The following TEX9 variants were observed in gnomAD, a reference collection of about 807,000 sequenced individuals.
The protein encoded by TEX9 is testis expressed 9, also known as testis-expressed protein 9.
In TEX9, 74 loss-of-function variants were observed where a neutral mutation model predicts 59.6. The ratio of observed to expected loss-of-function variants is 1.24; its 90% CI spans 1.03 to 1.51. TEX9 has a LOEUF of 1.51. Ranked by LOEUF, TEX9 falls within the 40% of genes most tolerant of loss-of-function variation. TEX9 has a pLI of 0.00. For synonymous variants in TEX9, 186 were observed against 152.2 expected (o/e 1.22, Z -1.64); for missense variants, 522 against 447.8 (o/e 1.17, Z -1.49).
intron 1 of TEX9, among the ~76,000 whole-genome samples, chr15:56,349,444 G>A (rs1337711879): frequency 6.6e-6 from 1 of 152,140 alleles, no homozygotes; most frequent in Non-Finnish European, 1.5e-5. Flanking sequence ...TTCCCTCTCT[G>A]ATGCTCTCTT....
At chr15:56,313,322 C>T (rs1197464711) in intron 1 of TEX9, among the ~76,000 whole-genome samples, 1 of 58,918 alleles carries the variant, frequency 1.7e-5, no homozygotes. Context: ...AGATACGTCC[C>T]ATCAATACCT....
At chr15:56,246,106 T>C (rs1477749378) in intron 1 of TEX9, among the ~76,000 whole-genome samples, 1 of 152,106 alleles carries the variant, frequency 6.6e-6, no homozygotes, top group African/African-American at 2.4e-5. Flanking sequence ...CGCTACCGGG[T>C]GTCACACAGG....
chr15:56,365,365 G>C, upstream of TEX9: 2 of 1,520,574 alleles, frequency 1.3e-6, no homozygotes, highest in Non-Finnish European at 1.8e-6. Flanking sequence ...GAAGGCGTAG[G>C]CGCCCGGGCG....
At chr15:56,447,154 T>C (rs981031403), downstream of TEX9, 3 of 428,384 alleles carry the variant, frequency 7.0e-6, no homozygotes, top group African/African-American at 5.9e-5. Context: ...ACTGCTCTGT[T>C]CTATTACATT....
intron 1 of TEX9, among the ~76,000 whole-genome samples, chr15:56,246,099 T>C (rs2043848833): frequency 1.3e-5 from 2 of 152,210 alleles, no homozygotes; most frequent in African/African-American, 4.8e-5. Flanking sequence ...AAAAGTTCGC[T>C]ACCGGGTGTC....
At chr15:56,419,148 G>T (rs1228583638) in intron 10 of TEX9, among the ~76,000 whole-genome samples, 1 of 151,454 alleles carries the variant, frequency 6.6e-6, no homozygotes, top group Non-Finnish European at 1.5e-5. Flanking sequence ...TAGTGTTTCC[G>T]TTTTTTGATG....
downstream of TEX9, among the ~76,000 whole-genome samples, chr15:56,449,636 A>G (rs2050934569): frequency 6.6e-6 from 1 of 152,216 alleles, no homozygotes; most frequent in Non-Finnish European, 1.5e-5. Flanking sequence ...ACAGAACTAC[A>G]TAAGATTGGT....
intron 9 of TEX9, among the ~76,000 whole-genome samples, chr15:56,404,244 C>T (rs1057023448): frequency 3.9e-5 from 6 of 152,008 alleles, no homozygotes; most frequent in Admixed American, 2.0e-4. Flanking sequence ...ATCTGACAAA[C>T]GGCTAATATA....
chr15:56,444,176 C>T (rs1478809280), intron 12 of TEX9, among the ~76,000 whole-genome samples: 2 of 152,060 alleles, frequency 1.3e-5, no homozygotes, highest in Non-Finnish European at 2.9e-5. Flanking sequence ...TACCTGTCCT[C>T]TGACATATGA....
At chr15:56,413,065 A>G (rs1050417295) in intron 10 of TEX9, among the ~76,000 whole-genome samples, 1 of 151,980 alleles carries the variant, frequency 6.6e-6, no homozygotes, top group African/African-American at 2.4e-5. Context: ...TGAAAGTTCA[A>G]ATACCAATGT....
intron 1 of TEX9, among the ~76,000 whole-genome samples, chr15:56,247,196 T>G (rs1194177643): frequency 6.6e-6 from 1 of 152,244 alleles, no homozygotes; most frequent in Non-Finnish European, 1.5e-5. Context: ...CTGTCCAGAC[T>G]GTAGTATATA....
At chr15:56,317,494 A>G (rs2141671493) in intron 1 of TEX9, among the ~76,000 whole-genome samples, 1 of 151,888 alleles carries the variant, frequency 6.6e-6, no homozygotes. Context: ...ACTTCTATTG[A>G]TTTTCTCTAT....
chr15:56,454,253 T>C, the TEX9 span, among the ~76,000 whole-genome samples: 1 of 152,220 alleles, frequency 6.6e-6, no homozygotes, highest in Non-Finnish European at 1.5e-5. Context: ...TATATATTTA[T>C]GGGGTACATG....
upstream of TEX9, among the ~76,000 whole-genome samples, chr15:56,361,587 G>A (rs1339502864): frequency 6.6e-6 from 1 of 152,010 alleles, no homozygotes; most frequent in Non-Finnish European, 1.5e-5. Flanking sequence ...TCGGTTATAG[G>A]TTAAAGTGTG....
intron 3 of TEX9, among the ~76,000 whole-genome samples, chr15:56,381,783 T>A (rs1435639727): frequency 1.3e-5 from 2 of 152,214 alleles, no homozygotes. Context: ...CCAGCACCAC[T>A]GGGATTGTGC....
chr15:56,250,209 G>A (rs1249770868), intron 1 of TEX9, among the ~76,000 whole-genome samples: 1 of 152,170 alleles, frequency 6.6e-6, no homozygotes, highest in Non-Finnish European at 1.5e-5. Flanking sequence ...AGTGGTGGAT[G>A]CTATATAAAA....
chr15:56,372,755 C>T (rs927013698), intron 2 of TEX9, among the ~76,000 whole-genome samples: 3 of 151,988 alleles, frequency 2.0e-5, no homozygotes, highest in African/African-American at 7.2e-5. Context: ...GGCAGTTTTT[C>T]GTTTAAAAAC....
intron 1 of TEX9, among the ~76,000 whole-genome samples, chr15:56,247,152 C>T (rs2141276884): frequency 6.6e-6 from 1 of 152,232 alleles, no homozygotes; most frequent in Admixed American, 6.5e-5. Flanking sequence ...GTCTGTAAAC[C>T]TTGTCTCCTT....
intron 9 of TEX9, among the ~76,000 whole-genome samples, chr15:56,403,715 T>G (rs1420348246): frequency 6.6e-6 from 1 of 152,194 alleles, no homozygotes; most frequent in Non-Finnish European, 1.5e-5. Flanking sequence ...GGCATCACAC[T>G]ACCTGACTTC....
Sources: allele counts gnomAD v4.1 joint callset (sites outside exome capture counted in the v4.1 genomes callset), GRCh38; gene constraint gnomAD v4.1.1; transcripts MANE v1.5; gene names NCBI Gene and HGNC (gene_info 2026-07-23, HGNC 2026-07-21).